The following CNTNAP2 variants were observed in gnomAD, a reference collection of about 807,000 sequenced individuals.
The protein encoded by CNTNAP2 is contactin-associated protein-like 2.
A neutral mutation model predicts 155.2 loss-of-function variants in CNTNAP2; 98 were observed. The observed-to-expected ratio is 0.63, with a 90% CI of 0.54 to 0.75. The LOEUF (loss-of-function observed/expected upper bound fraction) is 0.75, where lower values mean the gene tolerates loss of function less well. CNTNAP2 is among the 30% of genes least tolerant of loss of function. The pLI is 0.00. For missense variants in CNTNAP2, 1,727 were observed against 1,688.1 expected (o/e 1.02, Z -0.40); for synonymous variants, 651 against 631.2 (o/e 1.03, Z -0.47).
chr7:148,305,422 C>T (rs193194279), intron 21 of CNTNAP2, among the ~76,000 whole-genome samples: 1 of 152,214 alleles, frequency 6.6e-6, no homozygotes, highest in African/African-American at 2.4e-5. Context: ...ATTTCATTTT[C>T]TTGGAAACTT....
At chr7:148,274,495 T>C (rs2116850918) in intron 21 of CNTNAP2, among the ~76,000 whole-genome samples, 1 of 152,328 alleles carries the variant, frequency 6.6e-6, no homozygotes, top group African/African-American at 2.4e-5. Flanking sequence ...GGTGGAAGCC[T>C]CATGAATGGC....
chr7:147,547,501 C>T (rs1273986975), intron 11 of CNTNAP2, among the ~76,000 whole-genome samples: 2 of 152,192 alleles, frequency 1.3e-5, no homozygotes, highest in Non-Finnish European at 2.9e-5. Context: ...GCTGTCTCCT[C>T]AGCTCATTCA....
At chr7:147,939,095 C>T (rs140920709) in intron 14 of CNTNAP2, among the ~76,000 whole-genome samples, 5 of 152,142 alleles carry the variant, frequency 3.3e-5, no homozygotes, top group South Asian at 4.2e-4. Flanking sequence ...GATGTATGTA[C>T]GATGACTCAC....
At chr7:147,249,625 A>AAAAAAT (rs60887099) in intron 8 of CNTNAP2, among the ~76,000 whole-genome samples, 1 of 148,932 alleles carries the variant, frequency 6.7e-6, no homozygotes, top group Non-Finnish European at 1.5e-5. Context: ...AAAAAAAAAA[A>AAAAAAT]GGTTTCAGCA....
chr7:148,238,953 A>G (rs1000368088), intron 20 of CNTNAP2, among the ~76,000 whole-genome samples: 12 of 152,258 alleles, frequency 7.9e-5, no homozygotes, highest in Non-Finnish European at 1.2e-4. Flanking sequence ...TCATGCCTTT[A>G]TTAAGGAAAA....
chr7:148,358,941 T>C (rs898833926), intron 21 of CNTNAP2, among the ~76,000 whole-genome samples: 2 of 152,208 alleles, frequency 1.3e-5, no homozygotes, highest in African/African-American at 4.8e-5. Context: ...GAGAAAAGCA[T>C]GAGGACTCCT....
chr7:146,293,354 A>C (rs1427610168), intron 1 of CNTNAP2, among the ~76,000 whole-genome samples: 3 of 152,154 alleles, frequency 2.0e-5, no homozygotes, highest in Admixed American at 2.0e-4. Context: ...ATTATCTTTT[A>C]TCATTTAATA....
intron 12 of CNTNAP2, among the ~76,000 whole-genome samples, chr7:147,619,581 G>A (rs1801354756): frequency 6.6e-6 from 1 of 152,214 alleles, no homozygotes; most frequent in African/African-American, 2.4e-5. Flanking sequence ...ACCACAGGGT[G>A]ACACTCCTTT....
intron 8 of CNTNAP2, among the ~76,000 whole-genome samples, chr7:147,163,061 A>G (rs1802058443): frequency 6.6e-6 from 1 of 152,104 alleles, no homozygotes; most frequent in Admixed American, 6.6e-5. Flanking sequence ...GAAAACTAGG[A>G]AAGGGTGAAG....
At chr7:146,489,742 G>T (rs1388606154) in intron 1 of CNTNAP2, among the ~76,000 whole-genome samples, 1 of 152,088 alleles carries the variant, frequency 6.6e-6, no homozygotes. Context: ...TGGGTGGAGA[G>T]GAATTTTATT....
At chr7:148,058,843 A>G (rs980670369) in intron 15 of CNTNAP2, among the ~76,000 whole-genome samples, 1 of 152,200 alleles carries the variant, frequency 6.6e-6, no homozygotes, top group African/African-American at 2.4e-5. Flanking sequence ...AAAATAGCCC[A>G]GGTGTTAGAA....
chr7:146,703,544 A>T (rs573444385), intron 1 of CNTNAP2, among the ~76,000 whole-genome samples: 1 of 152,252 alleles, frequency 6.6e-6, no homozygotes, highest in African/African-American at 2.4e-5. Context: ...TGGGTGGCTT[A>T]TAAACAACAA....
chr7:146,404,470 C>T (rs1795762259), intron 1 of CNTNAP2, among the ~76,000 whole-genome samples: 1 of 152,180 alleles, frequency 6.6e-6, no homozygotes, highest in South Asian at 2.1e-4. Context: ...CTTAGTTTCT[C>T]CCTTAGACTA....
rs1378963669 is a variant in CNTNAP2 at position 147,692,953 on chromosome 7, T to C, written c.2098+53647T>C. On this transcript the variant is annotated intron_variant, in intron 13 of 23. Coordinates refer to ENST00000361727, the MANE Select transcript of CNTNAP2 (RefSeq NM_014141.6). ...TCTAGATTTTCTCCCTTGTCATTTC[T>C]AGGAGTTTTATAGTTTAGCATTTTA... 2.0e-5 allele frequency among the ~76,000 whole-genome samples: 3 copies of C among 152,086 alleles called. No individual in the cohort carries two copies. The East Asian group carries it at 5.8e-4, about 29-fold the overall frequency.
chr7:147,283,319 T>C (rs548639287), intron 8 of CNTNAP2, among the ~76,000 whole-genome samples: 1 of 151,598 alleles, frequency 6.6e-6, no homozygotes, highest in South Asian at 2.1e-4. Context: ...GTTCAAAGGC[T>C]TTTTTTTAAA....
At chr7:146,385,745 G>C (rs1032219611) in intron 1 of CNTNAP2, among the ~76,000 whole-genome samples, 19 of 152,280 alleles carry the variant, frequency 1.2e-4, no homozygotes, top group African/African-American at 4.6e-4. Context: ...CATAATATCA[G>C]AGTTGAAATA....
intron 1 of CNTNAP2, among the ~76,000 whole-genome samples, chr7:146,558,050 G>A (rs954249910): frequency 5.3e-5 from 8 of 152,028 alleles, no homozygotes; most frequent in African/African-American, 7.3e-5. Flanking sequence ...GACAAACTCC[G>A]GGCATGACAG....
rs183250161 is a variant in CNTNAP2, at chr7:146,716,479, G to C, written c.98-57792G>C. 3.0e-4 allele frequency among the ~76,000 whole-genome samples: 46 copies of C among 152,280 alleles called. No homozygotes were observed. The East Asian group carries it at 5.6e-3, about 19-fold the overall frequency. ...TCCCCAAAGTGTTTCTAAAAGGCAG[G>C]TTGTGCTTTGCTGCAATACAAACAC... On this transcript the variant is annotated intron_variant, in intron 1 of 23. Transcript: ENST00000361727.
At chr7:147,925,486 A>G (rs1406969566) in intron 14 of CNTNAP2, among the ~76,000 whole-genome samples, 1 of 150,790 alleles carries the variant, frequency 6.6e-6, no homozygotes, top group Admixed American at 6.6e-5. Flanking sequence ...TTTTTTTTTG[A>G]GACGGAGTCT....
Sources: gnomAD v4.1 joint callset for allele counts (sites outside exome capture counted in the v4.1 genomes callset) on GRCh38, gnomAD v4.1.1 for gene constraint, MANE v1.5 for transcripts, NCBI Gene and HGNC (gene_info 2026-07-23, HGNC 2026-07-21) for gene names.